The following SLC24A3 variants were observed in gnomAD, a reference collection of about 807,000 sequenced individuals.
SLC24A3 encodes solute carrier family 24 member 3.
A neutral mutation model predicts 75.8 loss-of-function variants in SLC24A3; 28 were observed. The observed-to-expected ratio is 0.37, with a 90% CI of 0.27 to 0.51. The LOEUF is 0.51. Among genes scored for constraint, SLC24A3 ranks in the 20% least tolerant of loss-of-function variants. SLC24A3 has a pLI of 0.94. For missense variants in SLC24A3, 663 were observed against 847.8 expected, an observed-to-expected ratio of 0.78 and a Z score of 2.71; for synonymous variants, 372 against 334.1, an observed-to-expected ratio of 1.11 and a Z score of -1.24.
chr20:19,670,141 G>A (rs1211817751), intron 8 of SLC24A3, among the ~76,000 whole-genome samples: 1 of 152,078 alleles, frequency 6.6e-6, no homozygotes, highest in Non-Finnish European at 1.5e-5. Flanking sequence ...TCAGGCTGGA[G>A]GGATGCAGAC....
intron 2 of SLC24A3, among the ~76,000 whole-genome samples, chr20:19,337,431 C>T (rs947793692): frequency 4.7e-5 from 7 of 150,382 alleles, no homozygotes; most frequent in Admixed American, 6.7e-5. Flanking sequence ...GCAACAAGAG[C>T]GAAACTCCAT....
intron 3 of SLC24A3, among the ~76,000 whole-genome samples, chr20:19,535,045 T>C (rs1250249631): frequency 6.6e-6 from 1 of 152,242 alleles, no homozygotes; most frequent in Non-Finnish European, 1.5e-5. Flanking sequence ...GTTTTCAAAA[T>C]TGACCACAGA....
intron 2 of SLC24A3, among the ~76,000 whole-genome samples, chr20:19,496,953 C>T (rs1988298494): frequency 6.6e-6 from 1 of 152,186 alleles, no homozygotes; most frequent in African/African-American, 2.4e-5. Context: ...CTGTTGTAAG[C>T]TGAGCTCTTT....
chr20:19,659,384 T>C (rs994215395), intron 7 of SLC24A3, among the ~76,000 whole-genome samples: 2 of 152,264 alleles, frequency 1.3e-5, no homozygotes, highest in Admixed American at 6.5e-5. Flanking sequence ...CCAGCACTTC[T>C]AGCAGAATTT....
rs532220087 is a variant in SLC24A3, at chr20:19,384,981, C to T, written c.271+103894C>T. On this transcript the variant is annotated intron_variant, in intron 2 of 16. Coordinates refer to ENST00000328041, the MANE Select transcript of SLC24A3 (RefSeq NM_020689.4). ...TCAGGACCCTTGATCATTTTTTAAT[C>T]AGGTTATTTGTTTTCTTGCTGTGAA... is the stretch of plus-strand genomic sequence containing the variant. Among the ~76,000 whole-genome samples, 11 of 152,120 alleles carry T rather than the reference C, an allele frequency of 7.2e-5. No homozygotes were observed. The South Asian group carries it at 2.1e-3, about 29-fold the overall frequency.
At chr20:19,574,758 A>T (rs923574773) in intron 3 of SLC24A3, among the ~76,000 whole-genome samples, 2 of 152,186 alleles carry the variant, frequency 1.3e-5, no homozygotes, top group Non-Finnish European at 2.9e-5. Context: ...AGCACTAGGG[A>T]GCATGCTGTG....
intron 2 of SLC24A3, among the ~76,000 whole-genome samples, chr20:19,462,506 C>T (rs1987696450): frequency 6.6e-6 from 1 of 152,206 alleles, no homozygotes; most frequent in African/African-American, 2.4e-5. Flanking sequence ...CTGGACACAA[C>T]CCAAACTTGG....
intron 2 of SLC24A3, among the ~76,000 whole-genome samples, chr20:19,425,316 T>A (rs1033904204): frequency 5.1e-5 from 7 of 138,030 alleles, no homozygotes; most frequent in African/African-American, 1.1e-4. Flanking sequence ...AAAAAAAAAA[T>A]TAATTACTGG....
chr20:19,273,872 C>T (rs1232187775), intron 1 of SLC24A3, among the ~76,000 whole-genome samples: 2 of 151,264 alleles, frequency 1.3e-5, no homozygotes, highest in South Asian at 2.1e-4. Flanking sequence ...AACTCAGCAA[C>T]GACAATCACA....
At chr20:19,601,520 T>C (rs1450317605) in intron 6 of SLC24A3, among the ~76,000 whole-genome samples, 4 of 152,184 alleles carry the variant, frequency 2.6e-5, no homozygotes, top group Non-Finnish European at 5.9e-5. Context: ...GGTGAACCCA[T>C]GCTCCCCCTT....
chr20:19,350,640 A>G (rs1416009703), intron 2 of SLC24A3, among the ~76,000 whole-genome samples: 1 of 152,230 alleles, frequency 6.6e-6, no homozygotes, highest in Non-Finnish European at 1.5e-5. Flanking sequence ...GTATCAGCAT[A>G]GGAGAGGAAA....
intron 2 of SLC24A3, among the ~76,000 whole-genome samples, chr20:19,409,248 G>T (rs182038220): frequency 6.6e-6 from 1 of 152,256 alleles, no homozygotes; most frequent in Non-Finnish European, 1.5e-5. Flanking sequence ...AGGAAGAGGC[G>T]CAGCAGGAGC....
intron 4 of SLC24A3, 121 bp downstream of exon 4, chr20:19,580,195 C>T (rs995680678): frequency 7.1e-5 from 50 of 700,424 alleles, no homozygotes; most frequent in Non-Finnish European, 1.2e-4. Flanking sequence ...GCAGCGGGAA[C>T]ACCAGGCATC....
At chr20:19,623,036 T>C (rs1185604223) in intron 6 of SLC24A3, among the ~76,000 whole-genome samples, 1 of 152,202 alleles carries the variant, frequency 6.6e-6, no homozygotes, top group Non-Finnish European at 1.5e-5. Context: ...ACCTCCCACT[T>C]GGTCCCACCT....
chr20:19,620,328 G>A (rs186334512), intron 6 of SLC24A3, among the ~76,000 whole-genome samples: 1 of 152,254 alleles, frequency 6.6e-6, no homozygotes, highest in Non-Finnish European at 1.5e-5. Flanking sequence ...ATCTTTTTTG[G>A]GGGGGAAAGC....
intron 2 of SLC24A3, among the ~76,000 whole-genome samples, chr20:19,316,100 C>T (rs1340770912): frequency 6.6e-6 from 1 of 152,210 alleles, no homozygotes; most frequent in Non-Finnish European, 1.5e-5. Context: ...TCACCAAAGC[C>T]TATTGAACCA....
At chr20:19,665,792 CGTGTGT>C (rs58371474) in intron 7 of SLC24A3, 66 bp from the exon 8 acceptor site, 133,978 of 1,186,868 alleles carry the variant, frequency 0.11, 1,831 homozygotes, top group African/African-American at 0.15. Context: ...AGCCTTAAAG[CGTGTGT>C]GTGTGTGTGT....
At chr20:19,565,784 G>C (rs989029290) in intron 3 of SLC24A3, among the ~76,000 whole-genome samples, 1 of 152,156 alleles carries the variant, frequency 6.6e-6, no homozygotes, top group African/African-American at 2.4e-5. Context: ...CATCTTCAGT[G>C]CCTGGAGTCT....
intron 2 of SLC24A3, among the ~76,000 whole-genome samples, chr20:19,501,911 C>T (rs1192738691): frequency 2.4e-4 from 37 of 152,098 alleles, no homozygotes; most frequent in Non-Finnish European, 1.5e-5. Context: ...CAGGCCACAC[C>T]GTGACTCCAG....
Sources: allele counts gnomAD v4.1 joint callset (sites outside exome capture counted in the v4.1 genomes callset), GRCh38; gene constraint gnomAD v4.1.1; transcripts MANE v1.5; gene names NCBI Gene and HGNC (gene_info 2026-07-23, HGNC 2026-07-21).